The following ZRANB2 variants were observed in gnomAD, a reference collection of about 807,000 sequenced individuals.
ZRANB2 encodes the protein zinc finger RANBP2-type containing 2, also known as zinc finger Ran-binding domain-containing protein 2.
Under a neutral mutation model 53.4 loss-of-function variants are expected in ZRANB2, and 19 were observed. That is an observed-to-expected ratio of 0.36 (90% CI 0.25 to 0.52). ZRANB2 has a LOEUF of 0.52. Ranked by LOEUF, ZRANB2 falls within the 20% of genes least tolerant of loss-of-function variation. The probability of loss-of-function intolerance (pLI) is 0.93; values close to 1 mark genes in which losing one functional copy is unlikely to be tolerated. For missense variants in ZRANB2, 309 were observed against 401.1 expected, an observed-to-expected ratio of 0.77 and a Z score of 1.96; for synonymous variants, 145 against 134.8, an observed-to-expected ratio of 1.08 and a Z score of -0.52.
intron 1 of ZRANB2, 87 bp from the exon 2 acceptor site, chr1:71,078,795 A>G (rs902729554): frequency 3.1e-5 from 34 of 1,105,718 alleles, no homozygotes; most frequent in Middle Eastern, 2.9e-4. Context: ...TCTGGAATTC[A>G]TAACTTCTAA....
In ZRANB2 at chr1:71,070,903, G is replaced by A. The variant is rs761310727; in HGVS notation, c.607C>T (p.Arg203Cys). ...GAATGTGAAGATCGAGACTTTGAGC[G>A]ACTTCGTCTATTAGATTTCTTTTTA... ...SNKKKSNRRS[R>C]SKSRSSHSRS... Residue 203 changes from arginine (R) to cysteine (C), a missense_variant, in exon 7 of 10, where the codon CGC (arginine) becomes TGC (cysteine). This residue lies in a region of ZRANB2 where 211 missense variants were observed against 196.1 expected (regional missense o/e 1.08). Transcript: ENST00000370920. 3.6e-5 allele frequency: 58 copies of A among 1,611,194 alleles called. No homozygotes were observed. The highest frequency in any genetic ancestry group is 1.0e-4 in the Admixed American group (6 of 59,526).
rs768876478 is a variant in ZRANB2, at chr1:71,072,507, T to C, written c.343A>G (p.Ile115Val). Residue 115 changes from isoleucine (I) to valine (V), a missense_variant, in exon 5 of 10, where the codon ATA (isoleucine) becomes GTA (valine). This residue lies in a region of ZRANB2 where 74 missense variants were observed against 180.1 expected (regional missense o/e 0.41). Coordinates refer to ENST00000370920, the MANE Select transcript of ZRANB2 (RefSeq NM_203350.3). ...GFNERENVEY[I>V]EREESDGEYD... ...TCACCATCAGATTCTTCTCTTTCTATATATTCAACATTTTCTCTTTCATTA... is the reference window on the plus strand; with the variant it reads ...TCACCATCAGATTCTTCTCTTTCTACATATTCAACATTTTCTCTTTCATTA... 24 of 1,608,266 alleles carry C rather than the reference T, an allele frequency of 1.5e-5. No individual in the cohort carries two copies. Among genetic ancestry groups the C allele is most frequent in the East Asian group, 6.7e-5 (3 of 44,664 alleles).
chr1:71,076,938 G>C (rs1573060929), intron 3 of ZRANB2, 61 bp from the exon 4 acceptor site: 2 of 1,238,724 alleles, frequency 1.6e-6, no homozygotes, highest in Non-Finnish European at 2.3e-6. Flanking sequence ...CAAATTTTTA[G>C]ATATTTTACA....
Position 71,064,455 on chromosome 1 carries a change from T to C in ZRANB2, c.*619A>G, listed in dbSNP as rs908753401. On this transcript the variant is annotated 3_prime_UTR_variant, in exon 10 of 10. Transcript: ENST00000370920. ...TGTCAGAAAGGAAAATATATCCCAC[T>C]TCTCTCCTTGTAGACATCACAAGAT... 1.3e-5 allele frequency: 2 copies of C among 152,454 alleles called. No homozygotes were observed. Among genetic ancestry groups the C allele is most frequent in the African/African-American group, 4.8e-5 (2 of 41,442 alleles). 9.4% of individuals were successfully genotyped at this position (152,454 alleles called of 1,614,324 possible).
rs1477643636 is a variant in ZRANB2, at chr1:71,063,342, G to GAA, written c.*1731_*1732insTT. On this transcript the variant is annotated 3_prime_UTR_variant, in exon 10 of 10. Transcript: ENST00000370920. ...TTCTAACAAACACCACTTGATGCTT[G>GAA]ACTCACAGGCTTTATTTACATTTGT... The GAA allele has an allele frequency of 6.6e-6, 1 of 152,378 alleles. No homozygotes were observed. The highest frequency in any genetic ancestry group is 2.4e-5 in the African/African-American group (1 of 41,412). The allele number at this position is 152,378 out of a possible 1,614,324, so 9.4% of individuals were successfully genotyped here. A position where few individuals can be genotyped will look rare whatever the true frequency, so the allele number is the denominator to read the frequency against.
intron 7 of ZRANB2, chr1:71,069,624 A>AAC (rs1661552209): frequency 8.6e-6 from 2 of 232,640 alleles, no homozygotes; most frequent in Admixed American, 1.1e-4. Flanking sequence ...TTATTACAAA[A>AAC]ACAATGAATA....
intron 4 of ZRANB2, among the ~76,000 whole-genome samples, chr1:71,075,160 A>T (rs536937824): frequency 1.3e-5 from 2 of 152,280 alleles, no homozygotes; most frequent in East Asian, 3.9e-4. Context: ...TGGGTTTTTT[A>T]AAAAAGGATT....
chr1:71,079,900 G>A (rs984924755), intron 1 of ZRANB2, among the ~76,000 whole-genome samples: 2 of 151,880 alleles, frequency 1.3e-5, no homozygotes, highest in Non-Finnish European at 2.9e-5. Context: ...TACTCCTTCA[G>A]GTCATCTTAA....
At chr1:71,069,199 G>GA (rs1661539940) in intron 8 of ZRANB2, 77 bp downstream of exon 8, 20 of 1,217,826 alleles carry the variant, frequency 1.6e-5, no homozygotes, top group Non-Finnish European at 2.2e-5. Context: ...AAAATAAGGG[G>GA]AAAAAAAGCA....
chr1:71,066,986 A>AAGATTATT (rs1661458155), intron 8 of ZRANB2, 52 bp from the exon 9 acceptor site: 1 of 1,501,130 alleles, frequency 6.7e-7, no homozygotes, highest in Non-Finnish European at 8.9e-7. Flanking sequence ...AGAAATAAGG[A>AAGATTATT]AGATTATTTA....
At chr1:71,078,973 TCACATTAG>T (rs1432777383) in intron 1 of ZRANB2, among the ~76,000 whole-genome samples, 1 of 152,200 alleles carries the variant, frequency 6.6e-6, no homozygotes, top group Non-Finnish European at 1.5e-5. Flanking sequence ...CCTCAAGTCC[TCACATTAG>T]CACATATCAT....
intron 8 of ZRANB2, 21 bp downstream of exon 8, chr1:71,069,255 G>T: frequency 6.3e-7 from 1 of 1,590,112 alleles, no homozygotes; most frequent in South Asian, 1.1e-5. Flanking sequence ...CTGCTTTACA[G>T]AGAGATGCTA....
rs936702018 is a variant in ZRANB2 at position 71,065,196 on chromosome 1, T to A, written c.930-59A>T. On this transcript the variant is annotated intron_variant, in intron 9 of 9. Transcript: ENST00000370920. ...GTAAGCTAGAGCTAAATCTCAGCAT[T>A]CATTCTTAAGACTGTGAAAGTATAC... 7 of 1,376,540 alleles carry A rather than the reference T, an allele frequency of 5.1e-6. No individual in the cohort carries two copies. The African/African-American group carries it at 8.7e-5, about 17-fold the overall frequency. 85.3% of individuals were successfully genotyped at this position (1,376,540 alleles called of 1,614,324 possible).
Position 71,064,167 on chromosome 1 carries a change from T to C in ZRANB2, c.*907A>G, listed in dbSNP as rs1361464927. 1 of 152,458 alleles carries C rather than the reference T, an allele frequency of 6.6e-6. No homozygotes were observed. Among genetic ancestry groups the C allele is most frequent in the Admixed American group, 6.6e-5 (1 of 15,248 alleles). The allele number at this position is 152,458 out of a possible 1,614,324, so 9.4% of individuals were successfully genotyped here. A position where few individuals can be genotyped will look rare whatever the true frequency, so the allele number is the denominator to read the frequency against. On this transcript the variant is annotated 3_prime_UTR_variant, in exon 10 of 10. Transcript: ENST00000370920. ...ATGCAGTGTGTTTATAGTTAACATCTTGAGGCAAATGTTCACTTAAATTCA... is the reference window on the plus strand; with the variant it reads ...ATGCAGTGTGTTTATAGTTAACATCCTGAGGCAAATGTTCACTTAAATTCA...
chr1:71,076,118 A>C (rs925153284), intron 4 of ZRANB2, among the ~76,000 whole-genome samples: 2 of 152,200 alleles, frequency 1.3e-5, no homozygotes, highest in Non-Finnish European at 2.9e-5. Context: ...GTGACATATA[A>C]GCAGTTGAAA....
chr1:71,073,877 T>C (rs991329088), intron 4 of ZRANB2, among the ~76,000 whole-genome samples: 42 of 152,200 alleles, frequency 2.8e-4, no homozygotes, highest in Admixed American at 7.9e-4. Context: ...TCATTAACTC[T>C]GTATAAATGG....
intron 4 of ZRANB2, among the ~76,000 whole-genome samples, chr1:71,072,753 C>A (rs1239056676): frequency 2.6e-5 from 4 of 152,096 alleles, no homozygotes; most frequent in African/African-American, 9.7e-5. Context: ...GGCTGTACTT[C>A]TAGCTCTTTT....
Position 71,066,823 on chromosome 1 carries a change from TGAA to T in ZRANB2, c.879_881del (p.Ser295del), listed in dbSNP as rs879500121. On this transcript the variant is annotated inframe_deletion, in exon 9 of 10. Coordinates refer to ENST00000370920, the MANE Select transcript of ZRANB2 (RefSeq NM_203350.3). ...TTCGTCTTTTTTTGCGATCACCAGA[TGAA>T]GAAGATCTAGAACGACTTCTCTTTC... The T allele has an allele frequency of 1.2e-5, 20 of 1,612,422 alleles. No individual in the cohort carries two copies. The highest frequency in any genetic ancestry group is 2.7e-5 in the African/African-American group (2 of 74,848).
intron 1 of ZRANB2, among the ~76,000 whole-genome samples, chr1:71,080,658 G>T (rs574280119): frequency 6.9e-6 from 1 of 145,382 alleles, no homozygotes; most frequent in Non-Finnish European, 1.5e-5. Context: ...GCGGGGGAGG[G>T]GGGTGGGGGC....
Sources: gnomAD v4.1 joint callset for allele counts (sites outside exome capture counted in the v4.1 genomes callset) on GRCh38, gnomAD v4.1.1 for gene constraint, gnomAD v4.1.1 regional missense constraint, MANE v1.5 for transcripts, NCBI Gene and HGNC (gene_info 2026-07-23, HGNC 2026-07-21) for gene names.